NEXMIF: variants seen among roughly 807,000 people sequenced by gnomAD.
The protein encoded by NEXMIF is XLMR protein related to neurite extension.
A neutral mutation model predicts 62.1 loss-of-function variants in NEXMIF; 8 were observed. The ratio of observed to expected loss-of-function variants is 0.13; its 90% CI spans 0.08 to 0.23. The LOEUF (loss-of-function observed/expected upper bound fraction) is 0.23. Among genes scored for constraint, NEXMIF ranks in the 10% least tolerant of loss-of-function variants. The pLI, the probability that NEXMIF is intolerant of heterozygous loss-of-function variation, is 1.00. For missense variants in NEXMIF, 976 were observed against 1,113.3 expected, an observed-to-expected ratio of 0.88 and a Z score of 1.75; for synonymous variants, 404 against 416.6, an observed-to-expected ratio of 0.97 and a Z score of 0.37.
intron 1 of NEXMIF, among the ~76,000 whole-genome samples, chrX:74,885,437 A>C (rs1405942063): frequency 3.6e-5 from 4 of 111,939 alleles, no homozygotes; most frequent in African/African-American, 9.7e-5. Flanking sequence ...AGAATCAAAT[A>C]GACGCAATAA....
At chrX:74,792,513 C>A (rs1335613828) in intron 1 of NEXMIF, among the ~76,000 whole-genome samples, 1 of 104,604 alleles carries the variant, frequency 9.6e-6, no homozygotes, top group African/African-American at 3.5e-5. Flanking sequence ...CAGCTGAGTT[C>A]AATTCCTGGG....
At chrX:74,841,210 A>G (rs2080472830) in intron 1 of NEXMIF, among the ~76,000 whole-genome samples, 1 of 110,562 alleles carries the variant, frequency 9.0e-6, no homozygotes, top group Non-Finnish European at 1.9e-5. Context: ...GGATAGCTGT[A>G]TTCCTAGGTA....
At chrX:74,773,981 A>C (rs946139641) in intron 1 of NEXMIF, among the ~76,000 whole-genome samples, 2 of 109,330 alleles carry the variant, frequency 1.8e-5, no homozygotes, top group African/African-American at 3.3e-5. Context: ...GAACTTGATG[A>C]ACATCTGTAA....
chrX:74,817,654 T>C (rs2080380328), intron 1 of NEXMIF, among the ~76,000 whole-genome samples: 1 of 111,562 alleles, frequency 9.0e-6, no homozygotes, highest in Non-Finnish European at 1.9e-5. Context: ...AATAGAAGTA[T>C]ATTTACTCTT....
intron 1 of NEXMIF, among the ~76,000 whole-genome samples, chrX:74,871,125 A>G (rs755909923): frequency 1.3e-4 from 15 of 112,032 alleles, no homozygotes; most frequent in African/African-American, 4.9e-4. Flanking sequence ...CCAGCCCCCA[A>G]TATTTCAATG....
chrX:74,737,005 A>G lies in NEXMIF; in HGVS notation c.*2400T>C, dbSNP rs1456769155. On this transcript the variant is annotated 3_prime_UTR_variant, in exon 4 of 4. Transcript: ENST00000055682. ...GGCTGTCCTACCCCACTCACACCCC[A>G]TTCTCCAAAGCTGAACTGATACCGA... 8.9e-6 allele frequency: 1 copy of G among 111,887 alleles called. No homozygotes were observed. Among genetic ancestry groups the G allele is most frequent in the African/African-American group, 3.3e-5 (1 of 30,642 alleles). 9.2% of individuals were successfully genotyped at this position (111,887 alleles called of 1,213,427 possible). A position where few individuals can be genotyped will look rare whatever the true frequency, so the allele number is the denominator to read the frequency against.
intron 1 of NEXMIF, among the ~76,000 whole-genome samples, chrX:74,874,044 G>A (rs2080616744): frequency 9.1e-6 from 1 of 109,817 alleles, no homozygotes; most frequent in Non-Finnish European, 1.9e-5. Context: ...TGCTTTTGGT[G>A]TTTTAGACAT....
intron 1 of NEXMIF, among the ~76,000 whole-genome samples, chrX:74,878,590 C>T (rs1353009777): frequency 2.7e-5 from 3 of 112,709 alleles, no homozygotes; most frequent in South Asian, 3.6e-4. Context: ...CCCCCAGCCT[C>T]GCTGCCACCT....
chrX:74,907,271 G>C (rs2080771932), intron 1 of NEXMIF, among the ~76,000 whole-genome samples: 1 of 110,647 alleles, frequency 9.0e-6, no homozygotes, highest in Non-Finnish European at 1.9e-5. Flanking sequence ...AAGGTGGTCA[G>C]GTGAGGGGAG....
At chrX:74,791,690 C>T (rs948325040) in intron 1 of NEXMIF, among the ~76,000 whole-genome samples, 3 of 110,109 alleles carry the variant, frequency 2.7e-5, no homozygotes, top group African/African-American at 9.9e-5. Flanking sequence ...TCAACTTCTT[C>T]CTGGTTTAGT....
intron 1 of NEXMIF, among the ~76,000 whole-genome samples, chrX:74,749,204 G>A (rs1268665545): frequency 9.0e-6 from 1 of 110,979 alleles, no homozygotes; most frequent in Non-Finnish European, 1.9e-5. Flanking sequence ...GGGAGATTTG[G>A]GAAGGCTTCA....
At chrX:74,877,861 T>C (rs757214283) in intron 1 of NEXMIF, among the ~76,000 whole-genome samples, 3 of 111,980 alleles carry the variant, frequency 2.7e-5, no homozygotes, top group Admixed American at 1.9e-4. Context: ...TAAGCACTTC[T>C]CTGTATTGGT....
intron 1 of NEXMIF, among the ~76,000 whole-genome samples, chrX:74,796,754 T>C (rs998094758): frequency 1.4e-4 from 16 of 111,327 alleles, no homozygotes; most frequent in African/African-American, 5.2e-4. Context: ...ATATACAGCA[T>C]AAATAAATGA....
intron 1 of NEXMIF, among the ~76,000 whole-genome samples, chrX:74,786,047 C>T (rs913092789): frequency 8.9e-6 from 1 of 112,124 alleles, no homozygotes; most frequent in African/African-American, 3.2e-5. Context: ...CTTTTATCCC[C>T]AACACTAAAA....
At chrX:74,747,433 T>C (rs2080128998) in intron 1 of NEXMIF, among the ~76,000 whole-genome samples, 1 of 110,620 alleles carries the variant, frequency 9.0e-6, no homozygotes, top group African/African-American at 3.3e-5. Flanking sequence ...CAAAATGCCA[T>C]CTCCATGATT....
At chrX:74,846,537 A>T (rs1176417164) in intron 1 of NEXMIF, among the ~76,000 whole-genome samples, 1 of 112,270 alleles carries the variant, frequency 8.9e-6, no homozygotes, top group Non-Finnish European at 1.9e-5. Context: ...CTGACATATG[A>T]GAATGACAGA....
intron 1 of NEXMIF, among the ~76,000 whole-genome samples, chrX:74,781,389 G>A (rs2080246217): frequency 8.9e-6 from 1 of 112,077 alleles, no homozygotes; most frequent in Non-Finnish European, 1.9e-5. Flanking sequence ...AAACCATAAC[G>A]TTTGAAAAAG....
chrX:74,793,630 G>C (rs1368598684), intron 1 of NEXMIF, among the ~76,000 whole-genome samples: 1 of 108,600 alleles, frequency 9.2e-6, no homozygotes, highest in Non-Finnish European at 1.9e-5. Flanking sequence ...ACGTAGATTT[G>C]GTCTTTTCAC....
chrX:74,883,997 T>C lies in NEXMIF; in HGVS notation c.-48+40886A>G, dbSNP rs1021899270. Among the ~76,000 whole-genome samples, 12 of 112,305 alleles carry C rather than the reference T, an allele frequency of 1.1e-4. No individual in the cohort carries two copies. In the East Asian group the frequency reaches 2.8e-3, roughly 26 times the overall value. On this transcript the variant is annotated intron_variant, in intron 1 of 3. Coordinates refer to ENST00000055682, the MANE Select transcript of NEXMIF (RefSeq NM_001008537.3). ...AGAGAGTGGGGGCCAATATTCAACA[T>C]TCTTAAAGAAAAGAATTTTCAACCC...
Sources: allele counts gnomAD v4.1 joint callset (sites outside exome capture counted in the v4.1 genomes callset), GRCh38; gene constraint gnomAD v4.1.1; transcripts MANE v1.5; gene names NCBI Gene and HGNC (gene_info 2026-07-23, HGNC 2026-07-21).